Variants in INSR observed in about 807,000 individuals in gnomAD.
The protein encoded by INSR is insulin receptor.
A neutral mutation model predicts 142.6 loss-of-function variants in INSR; 67 were observed. That is an observed-to-expected ratio of 0.47 (90% CI 0.39 to 0.58). The LOEUF is 0.58. Among genes scored for constraint, INSR ranks in the 20% least tolerant of loss-of-function variants. The pLI, the probability that INSR is intolerant of heterozygous loss-of-function variation, is 0.00. For missense variants in INSR, 1,248 were observed against 1,833.2 expected, an observed-to-expected ratio of 0.68 and a Z score of 5.83; for synonymous variants, 756 against 743.1, an observed-to-expected ratio of 1.02 and a Z score of -0.28.
chr19:7,157,818 C>A (rs959119887), intron 9 of INSR, among the ~76,000 whole-genome samples: 1 of 151,804 alleles, frequency 6.6e-6, no homozygotes, highest in Non-Finnish European at 1.5e-5. Flanking sequence ...CGAGGATAGA[C>A]AATAAGCTCT....
chr19:7,122,140 T>C (rs2144803317), intron 19 of INSR, among the ~76,000 whole-genome samples: 2 of 119,408 alleles, frequency 1.7e-5, no homozygotes, highest in Admixed American at 9.1e-5. Flanking sequence ...AGACTCCATG[T>C]CAGAAAAAAG....
intron 2 of INSR, among the ~76,000 whole-genome samples, chr19:7,252,227 T>C (rs1392375724): frequency 6.6e-6 from 1 of 152,062 alleles, no homozygotes; most frequent in East Asian, 1.9e-4. Context: ...CTGGCCAACA[T>C]GACGAAACCC....
In INSR at chr19:7,166,069, C is replaced by A; in HGVS notation, c.1861+85G>T. On this transcript the variant is annotated intron_variant, in intron 8 of 21. Coordinates refer to ENST00000302850, the MANE Select transcript of INSR (RefSeq NM_000208.4). The surrounding 1 kb of genome is among the most constrained non-coding windows in gnomAD (Gnocchi z 4.1). ...AAAAGCCAATAACCATATCAAGGAG[C>A]ATTTTATACAACCTCACTGCATCAG... is the stretch of plus-strand genomic sequence containing the variant. 6.7e-7 allele frequency: 1 copy of A among 1,495,482 alleles called. No individual in the cohort carries two copies. Among genetic ancestry groups the A allele is most frequent in the Non-Finnish European group, 9.3e-7 (1 of 1,075,572 alleles). 92.6% of individuals were successfully genotyped at this position (1,495,482 alleles called of 1,614,324 possible). A position where few individuals can be genotyped will look rare whatever the true frequency, so the allele number is the denominator to read the frequency against.
At chr19:7,217,268 G>T (rs539170430) in intron 2 of INSR, among the ~76,000 whole-genome samples, 2 of 152,076 alleles carry the variant, frequency 1.3e-5, no homozygotes, top group Non-Finnish European at 2.9e-5. Flanking sequence ...TTTCTTGGCC[G>T]TAGCATTTCA....
intron 3 of INSR, among the ~76,000 whole-genome samples, chr19:7,180,025 C>T (rs1974233305): frequency 2.0e-5 from 3 of 152,182 alleles, no homozygotes; most frequent in Admixed American, 2.0e-4. Flanking sequence ...GAGAGACCCC[C>T]ACTGACCATC....
At chr19:7,289,870 G>C (rs1051872202) in intron 1 of INSR, among the ~76,000 whole-genome samples, 6 of 152,162 alleles carry the variant, frequency 3.9e-5, no homozygotes, top group African/African-American at 1.4e-4. Flanking sequence ...CACATGGGTG[G>C]AGACCATGGT....
intron 3 of INSR, among the ~76,000 whole-genome samples, chr19:7,180,598 CAG>C (rs1175743220): frequency 1.4e-5 from 2 of 147,536 alleles, no homozygotes; most frequent in Non-Finnish European, 3.0e-5. Flanking sequence ...AATGATGTGA[CAG>C]AGAGTGCACG....
chr19:7,233,738 C>G (rs1234878519), intron 2 of INSR, among the ~76,000 whole-genome samples: 1 of 133,372 alleles, frequency 7.5e-6, no homozygotes, highest in Admixed American at 8.8e-5. Context: ...TGCAGTGGCA[C>G]GATCTCCGCT....
Position 7,142,727 on chromosome 19 carries a change from A to G in INSR, c.2542+89T>C, listed in dbSNP as rs978833071. On this transcript the variant is annotated intron_variant, in intron 12 of 21. Transcript: ENST00000302850. The stretch of plus-strand genomic sequence containing the variant: ...TGAAGGCCAATAAGGTAAAATACAG[A>G]TATGCACTGCTTAGAGGGTGGAGAA... The G allele has an allele frequency of 2.7e-6, 4 of 1,474,340 alleles. No homozygotes were observed. The African/African-American group carries it at 5.6e-5, about 21-fold the overall frequency. The allele number at this position is 1,474,340 out of a possible 1,614,324, so 91.3% of individuals were successfully genotyped here.
At chr19:7,167,770 G>C (rs1256826224) in intron 7 of INSR, among the ~76,000 whole-genome samples, 198 bp downstream of exon 7, 1 of 152,024 alleles carries the variant, frequency 6.6e-6, no homozygotes, top group Non-Finnish European at 1.5e-5. Flanking sequence ...TCCATTTTAG[G>C]CATTTGATAA....
intron 2 of INSR, among the ~76,000 whole-genome samples, chr19:7,221,546 A>G (rs1975617605): frequency 6.6e-6 from 1 of 152,066 alleles, no homozygotes. Flanking sequence ...CGTCCCTACT[A>G]AAAACACAAA....
Position 7,244,974 on chromosome 19 carries a change from C to T in INSR, c.652+22371G>A, listed in dbSNP as rs563890140. Among the ~76,000 whole-genome samples the T allele has an allele frequency of 3.5e-3, 475 of 134,514 alleles. 5 individuals carry two copies. The highest frequency in any genetic ancestry group is 3.3e-3 in the Non-Finnish European group (212 of 64,540). 88.2% of individuals were successfully genotyped at this position (134,514 alleles called of 152,430 possible). ...TTTTCAAGATGGAGTCTCGCTCTGT[C>T]GCCCAGGCTGGAGTGCAGTGGCATG... On this transcript the variant is annotated intron_variant, in intron 2 of 21. Coordinates refer to ENST00000302850, the MANE Select transcript of INSR (RefSeq NM_000208.4).
intron 8 of INSR, among the ~76,000 whole-genome samples, chr19:7,165,239 C>A (rs1047257470): frequency 4.0e-5 from 6 of 151,038 alleles, no homozygotes; most frequent in Non-Finnish European, 7.4e-5. Flanking sequence ...TGCAGTGAGT[C>A]CAGATGGCGC....
At chr19:7,234,110 T>G (rs1976083127) in intron 2 of INSR, among the ~76,000 whole-genome samples, 1 of 152,088 alleles carries the variant, frequency 6.6e-6, no homozygotes, top group Non-Finnish European at 1.5e-5. Context: ...TTCACTATGT[T>G]GGGCAGGCTG....
chr19:7,148,787 A>G (rs1973247436), intron 11 of INSR, among the ~76,000 whole-genome samples: 1 of 141,788 alleles, frequency 7.1e-6, no homozygotes, highest in Non-Finnish European at 1.5e-5. Flanking sequence ...TGTGGCCCCA[A>G]ATATTATTTT....
intron 9 of INSR, among the ~76,000 whole-genome samples, chr19:7,156,011 C>A (rs1333119648): frequency 2.7e-5 from 4 of 146,866 alleles, no homozygotes; most frequent in Non-Finnish European, 5.9e-5. Flanking sequence ...ATCAACCACA[C>A]AAATAAGATG....
chr19:7,277,755 C>G (rs1328947640), intron 1 of INSR, among the ~76,000 whole-genome samples: 1 of 151,992 alleles, frequency 6.6e-6, no homozygotes, highest in Admixed American at 6.6e-5. Flanking sequence ...TATGACTGCA[C>G]CACTGCACTC....
At position 7,119,293 on chromosome 19, in the gene INSR, T is replaced by A. The variant is rs1296370619; in HGVS notation, c.3794+156A>T. ...CAATATGCAAATGCAAGCATGCATG[T>A]AAAGACAAGCTATGCAAACACAAAC... On this transcript the variant is annotated intron_variant, in intron 21 of 21. Transcript: ENST00000302850. The surrounding 1 kb of genome is among the most constrained non-coding windows in gnomAD (Gnocchi z 5.2). Among the ~76,000 whole-genome samples, 2 of 152,230 alleles carry A rather than the reference T, an allele frequency of 1.3e-5. No homozygotes were observed. The highest frequency in any genetic ancestry group is 4.8e-5 in the African/African-American group (2 of 41,442).
intron 13 of INSR, among the ~76,000 whole-genome samples, chr19:7,134,977 C>T (rs1018218107): frequency 0.083 from 7 of 84 alleles, no homozygotes; most frequent in East Asian, 0.17. Context: ...CTGCAAGCAT[C>T]GAGCCCAAAA....
Sources: allele counts gnomAD v4.1 joint callset (sites outside exome capture counted in the v4.1 genomes callset), GRCh38; gene constraint gnomAD v4.1.1; non-coding constraint Gnocchi (gnomAD v3.1); transcripts MANE v1.5; gene names NCBI Gene and HGNC (gene_info 2026-07-23, HGNC 2026-07-21).